SPIRE2: variants seen among roughly 807,000 people sequenced by gnomAD.
SPIRE2 encodes the protein protein spire homolog 2.
SPIRE2 carries 76 observed loss-of-function variants against 80.7 expected under a neutral mutation model. The ratio of observed to expected loss-of-function variants is 0.94; its 90% CI spans 0.78 to 1.14. SPIRE2 has a LOEUF of 1.14. SPIRE2 is among the 50% of genes most tolerant of loss of function. SPIRE2 has a pLI of 0.00. For missense variants in SPIRE2, 1,196 were observed against 1,015.3 expected, an observed-to-expected ratio of 1.18 and a Z score of -2.42; for synonymous variants, 535 against 432.6, an observed-to-expected ratio of 1.24 and a Z score of -2.94.
intron 1 of SPIRE2, among the ~76,000 whole-genome samples, chr16:89,837,638 G>A (rs1191899421): frequency 6.6e-6 from 1 of 152,224 alleles, no homozygotes; most frequent in Non-Finnish European, 1.5e-5. Context: ...GGGATCAGGG[G>A]CACTGCTGAG....
intron 7 of SPIRE2, 25 bp downstream of exon 7, chr16:89,856,261 G>C: frequency 6.5e-7 from 1 of 1,550,034 alleles, no homozygotes; most frequent in South Asian, 1.2e-5. Context: ...GGCAGGAGAA[G>C]AGAGCCCTGA....
In SPIRE2 at chr16:89,850,561, C is replaced by A; in HGVS notation, c.546C>A (p.Pro182=). ...MRLCAARLTD[P]RGAQAHYQAV... ...TGTGCGCGGCGCGGCTGACCGACCC[C>A]CGGGGCGCACAGGCGCATTACCAGG... The change falls in exon 3 of 15, where the codon CCC becomes CCA. Residue 182 remains proline, a synonymous_variant. Transcript: ENST00000378247. 1 of 1,514,318 alleles carries A rather than the reference C, an allele frequency of 6.6e-7. No homozygotes were observed. The highest frequency in any genetic ancestry group is 1.2e-5 in the South Asian group (1 of 80,410). The allele number at this position is 1,514,318 out of a possible 1,614,324, so 93.8% of individuals were successfully genotyped here. A position where few individuals can be genotyped will look rare whatever the true frequency, so the allele number is the denominator to read the frequency against.
chr16:89,857,502 A>T (rs541405633), intron 7 of SPIRE2, among the ~76,000 whole-genome samples: 4 of 152,214 alleles, frequency 2.6e-5, no homozygotes, highest in African/African-American at 9.6e-5. Flanking sequence ...AGTTTACAAT[A>T]GTATGACATA....
chr16:89,854,649 A>C lies in SPIRE2; in HGVS notation c.889A>C (p.Met297Leu). Residue 297 changes from methionine (M) to leucine (L), a missense_variant and splice_region_variant, in exon 5 of 15, where the codon ATG becomes CTG. By Grantham distance (15) the Met-to-Leu change is conservative. Transcript: ENST00000378247. ...RARNYKLRKV[M>L]VDGDIPPRVK... The stretch of plus-strand genomic sequence containing the variant: ...CCGGAACTACAAGCTGCGCAAGGTC[A>C]TGGTGAGCGGGGCAGACGCAGAGGG... 2.0e-6 allele frequency: 3 copies of C among 1,530,984 alleles called. No homozygotes were observed. Among genetic ancestry groups the C allele is most frequent in the South Asian group, 1.1e-5 (1 of 88,848 alleles). 94.8% of individuals were successfully genotyped at this position (1,530,984 alleles called of 1,614,324 possible). A position where few individuals can be genotyped will look rare whatever the true frequency, so the allele number is the denominator to read the frequency against.
Position 89,858,406 on chromosome 16 carries a change from C to T in SPIRE2, c.1171C>T (p.Leu391=), listed in dbSNP as rs1162161134. ...GDAKSTSCIN[L]SVTDAGGSAQ... ...TGCCAAGTCCACCTCCTGCATCAAC[C>T]TGTCAGTCACAGATGCTGGGGGCAG... Residue 391 remains leucine (L), a synonymous_variant, in exon 8 of 15, where the codon CTG becomes TTG. Coordinates refer to ENST00000378247, the MANE Select transcript of SPIRE2 (RefSeq NM_032451.2). 5.0e-6 allele frequency: 8 copies of T among 1,612,200 alleles called. No homozygotes were observed. In the African/African-American group the frequency reaches 1.1e-4, roughly 22 times the overall value.
chr16:89,836,065 T>C (rs1350380099), intron 1 of SPIRE2: 1 of 376,158 alleles, frequency 2.7e-6, no homozygotes, highest in Non-Finnish European at 5.4e-6. Context: ...GTCCCAGTTG[T>C]TTAGGAGGTT....
At chr16:89,837,095 T>C (rs777223304) in intron 1 of SPIRE2, among the ~76,000 whole-genome samples, 3 of 152,120 alleles carry the variant, frequency 2.0e-5, no homozygotes, top group Non-Finnish European at 4.4e-5. Context: ...GCCCGTCGCG[T>C]GGGTTCTGGA....
At position 89,850,533 on chromosome 16, in the gene SPIRE2, G is replaced by A. The variant is rs577449763; in HGVS notation, c.518G>A (p.Arg173Gln). The change falls in exon 3 of 15, where the codon CGG (arginine) becomes CAG (glutamine). Residue 173 changes from arginine to glutamine, a missense_variant. Coordinates refer to ENST00000378247, the MANE Select transcript of SPIRE2 (RefSeq NM_032451.2). ...GTGCGCACCTTTGCCCAGGCCATGC[G>A]GCTGTGCGCGGCGCGGCTGACCGAC... is the stretch of plus-strand genomic sequence containing the variant. The part of the protein sequence containing the change: ...RSVRTFAQAM[R>Q]LCAARLTDPR... The A allele has an allele frequency of 1.4e-4, 210 of 1,514,028 alleles. 3 individuals are homozygous for A. In the South Asian group the frequency reaches 2.5e-3, roughly 18 times the overall value. 93.8% of individuals were successfully genotyped at this position (1,514,028 alleles called of 1,614,324 possible). A position where few individuals can be genotyped will look rare whatever the true frequency, so the allele number is the denominator to read the frequency against.
At chr16:89,842,457 C>T (rs1304747556) in intron 1 of SPIRE2, among the ~76,000 whole-genome samples, 1 of 152,144 alleles carries the variant, frequency 6.6e-6, no homozygotes, top group Non-Finnish European at 1.5e-5. Context: ...AGGTGATCCA[C>T]CCACTTCGGC....
chr16:89,828,727 G>A lies in SPIRE2; in HGVS notation c.177G>A (p.Leu59=), dbSNP rs1187064976. Residue 59 remains leucine (L), a synonymous_variant, in exon 1 of 15, where the codon CTG becomes CTA. Transcript: ENST00000378247. This position sits in a 1 kb window ranked among gnomAD's most constrained non-coding sequence, Gnocchi z 5.9. ...TGCGGGGCTCGCCGGGCCGGCGCCT[G>A]CGGGATACCGGGGACCTCCTGCTGC... ...RGLRGSPGRR[L]RDTGDLLLRG... is the part of the protein sequence containing the mutation. 5 of 1,248,704 alleles carry A rather than the reference G, an allele frequency of 4.0e-6. No homozygotes were observed. Among genetic ancestry groups the A allele is most frequent in the African/African-American group, 1.5e-5 (1 of 64,628 alleles). The allele number at this position is 1,248,704 out of a possible 1,614,324, so 77.4% of individuals were successfully genotyped here.
At chr16:89,843,532 C>G (rs980125094) in intron 1 of SPIRE2, among the ~76,000 whole-genome samples, 1 of 150,686 alleles carries the variant, frequency 6.6e-6, no homozygotes, top group Non-Finnish European at 1.5e-5. Context: ...CCCTCTGACC[C>G]GGGGTTTCTC....
chr16:89,841,696 A>G (rs2143791493), intron 1 of SPIRE2, among the ~76,000 whole-genome samples: 1 of 151,800 alleles, frequency 6.6e-6, no homozygotes, highest in African/African-American at 2.4e-5. Flanking sequence ...AGGCCACGGT[A>G]AATAATTTTT....
chr16:89,849,844 CT>C (rs543922121), intron 2 of SPIRE2: 9,696 of 241,966 alleles, frequency 0.04, 104 homozygotes, highest in Middle Eastern at 0.073. Flanking sequence ...AAAAAAACTT[CT>C]TTTTTTTTTT....
chr16:89,851,936 G>C (rs1026182433), intron 3 of SPIRE2, among the ~76,000 whole-genome samples: 3 of 151,948 alleles, frequency 2.0e-5, no homozygotes. Context: ...AGCCTTTGCA[G>C]GTGGTTTTGA....
chr16:89,858,436 C>T lies in SPIRE2; in HGVS notation c.1201C>T (p.Gln401Ter). ...LSVTDAGGSA[Q>*]RPRPRVLLKA... is the part of the protein sequence containing the mutation. ...AGTCACAGATGCTGGGGGCAGCGCCCAGCGCCCGCGGCCCCGCGTGCTGCT... is the reference window on the plus strand; with the variant it reads ...AGTCACAGATGCTGGGGGCAGCGCCTAGCGCCCGCGGCCCCGCGTGCTGCT... The change falls in exon 8 of 15, where the codon CAG becomes TAG. Residue 401 changes from glutamine (Q) to a stop codon, truncating the protein, a stop_gained. Coordinates refer to ENST00000378247, the MANE Select transcript of SPIRE2 (RefSeq NM_032451.2). LOFTEE classifies it high-confidence loss of function. 6.2e-7 allele frequency: 1 copy of T among 1,611,808 alleles called. No individual in the cohort carries two copies. The highest frequency in any genetic ancestry group is 8.5e-7 in the Non-Finnish European group (1 of 1,179,580).
In SPIRE2 at chr16:89,828,479, T is replaced by G. The variant is rs1429111818; in HGVS notation, c.-72T>G. 1.0e-6 allele frequency: 1 copy of G among 978,452 alleles called. No homozygotes were observed. The highest frequency in any genetic ancestry group is 6.3e-5 in the Admixed American group (1 of 15,912). The allele number at this position is 978,452 out of a possible 1,614,324, so 60.6% of individuals were successfully genotyped here. A position where few individuals can be genotyped will look rare whatever the true frequency, so the allele number is the denominator to read the frequency against. On this transcript the variant is annotated 5_prime_UTR_variant, in exon 1 of 15. Coordinates refer to ENST00000378247, the MANE Select transcript of SPIRE2 (RefSeq NM_032451.2). This position sits in a 1 kb window ranked among gnomAD's most constrained non-coding sequence, Gnocchi z 5.9. The stretch of plus-strand genomic sequence containing the variant: ...CTCGCGCGGGGCGGGGCGGCCAGGC[T>G]GACCCTGCGCGGCGGAAGGCGCGGC...
chr16:89,865,361 T>C (rs1238704959), intron 12 of SPIRE2, among the ~76,000 whole-genome samples: 1 of 152,188 alleles, frequency 6.6e-6, no homozygotes, highest in Non-Finnish European at 1.5e-5. Context: ...TGATAAGGTA[T>C]AGTAAGGTAT....
Position 89,863,531 on chromosome 16 carries a change from TG to T in SPIRE2, c.1632del (p.Arg545AlafsTer5). On this transcript the variant is annotated frameshift_variant, in exon 11 of 15. Coordinates refer to ENST00000378247, the MANE Select transcript of SPIRE2 (RefSeq NM_032451.2). LOFTEE classifies it high-confidence loss of function. This position sits in a 1 kb window ranked among gnomAD's most constrained non-coding sequence, Gnocchi z 4.3. Reference protein sequence around the residue: ...LALTVEEVMDVRRVLVKAEME... With the variant: ...LALTVEEVMDXRRVLVKAEME... ...CTGACTGTGGAAGAGGTGATGGACG[TG>T]CGCCGTGTGCTGGTGAAGGCCGAGA... 2 of 1,614,052 alleles carry T rather than the reference TG, an allele frequency of 1.2e-6. No homozygotes were observed. Among genetic ancestry groups the T allele is most frequent in the Non-Finnish European group, 1.7e-6 (2 of 1,180,028 alleles).
Position 89,850,630 on chromosome 16 carries a change from C to A in SPIRE2, c.615C>A (p.Ala205=). The change falls in exon 3 of 15, where the codon GCC becomes GCA. Residue 205 remains alanine (A), a synonymous_variant. Coordinates refer to ENST00000378247, the MANE Select transcript of SPIRE2 (RefSeq NM_032451.2). ...TCGTGGAGACGCTGGAGCTGCGGGC[C>A]TTCCTGGCCAGGGTCCGGGAGGCCA... The part of the protein sequence containing the change: ...ALFVETLELR[A]FLARVREAKE... 1.3e-6 allele frequency: 2 copies of A among 1,510,104 alleles called. No homozygotes were observed. Among genetic ancestry groups the A allele is most frequent in the South Asian group, 2.5e-5 (2 of 81,056 alleles). The allele number at this position is 1,510,104 out of a possible 1,614,324, so 93.5% of individuals were successfully genotyped here.
Sources: allele counts gnomAD v4.1 joint callset (sites outside exome capture counted in the v4.1 genomes callset), GRCh38; gene constraint gnomAD v4.1.1; non-coding constraint Gnocchi (gnomAD v3.1); transcripts MANE v1.5; gene names NCBI Gene and HGNC (gene_info 2026-07-23, HGNC 2026-07-21).